GRIN2A: variants seen among roughly 807,000 people sequenced by gnomAD.
GRIN2A encodes glutamate ionotropic receptor NMDA type subunit 2A.
Under a neutral mutation model 113.4 loss-of-function variants are expected in GRIN2A, and 22 were observed. The ratio of observed to expected loss-of-function variants is 0.19; its 90% confidence interval spans 0.14 to 0.28. The LOEUF is 0.28. Among genes scored for constraint, GRIN2A ranks in the 10% least tolerant of loss-of-function variants. The probability of loss-of-function intolerance (pLI) is 1.00; values close to 1 mark genes in which losing one functional copy is unlikely to be tolerated. For synonymous variants in GRIN2A, 827 were observed against 738.4 expected, an observed-to-expected ratio of 1.12 and a Z score of -1.94; for missense variants, 1,502 against 1,887.0, an observed-to-expected ratio of 0.80 and a Z score of 3.78.
At chr16:9,783,093 A>G (rs1201419389) in intron 11 of GRIN2A, among the ~76,000 whole-genome samples, 1 of 152,210 alleles carries the variant, frequency 6.6e-6, no homozygotes, top group Non-Finnish European at 1.5e-5. Flanking sequence ...ATGGTTATTA[A>G]TGATCACCCC....
chr16:10,112,684 AG>A, intron 2 of GRIN2A: 1 of 754,000 alleles, frequency 1.3e-6, no homozygotes, highest in South Asian at 1.3e-5. Flanking sequence ...GAGGGGGAAA[AG>A]GTGAATATTG....
intron 2 of GRIN2A, among the ~76,000 whole-genome samples, chr16:10,023,173 G>C (rs569729386): frequency 1.3e-5 from 2 of 152,170 alleles, no homozygotes; most frequent in African/African-American, 4.8e-5. Context: ...ATCTTAGACC[G>C]AGTTGGCAAC....
At position 9,762,943 on chromosome 16, in the gene GRIN2A, C is replaced by T; in HGVS notation, c.*206G>A. ...AAGGACTCACCTATCTGGTGTCTGC[C>T]ATGCTCAGCACACACCTCACAAGAT... On this transcript the variant is annotated 3_prime_UTR_variant, in exon 13 of 13. Transcript: ENST00000330684. 1 of 614,416 alleles carries T rather than the reference C, an allele frequency of 1.6e-6. No individual in the cohort carries two copies. Among genetic ancestry groups the T allele is most frequent in the Non-Finnish European group, 2.9e-6 (1 of 348,712 alleles). 38.1% of individuals were successfully genotyped at this position (614,416 alleles called of 1,614,324 possible).
At chr16:9,867,784 A>C (rs2043185970) in intron 4 of GRIN2A, among the ~76,000 whole-genome samples, 1 of 151,802 alleles carries the variant, frequency 6.6e-6, no homozygotes, top group South Asian at 2.1e-4. Flanking sequence ...AACACATCTG[A>C]CTTGTCTTTC....
At chr16:10,083,829 T>A (rs1001725984) in intron 2 of GRIN2A, among the ~76,000 whole-genome samples, 6 of 152,204 alleles carry the variant, frequency 3.9e-5, no homozygotes, top group Non-Finnish European at 7.3e-5. Context: ...GGGCTGAGTG[T>A]GGTGGCTCAT....
chr16:10,106,076 A>G (rs895318284), intron 2 of GRIN2A, among the ~76,000 whole-genome samples: 13 of 152,168 alleles, frequency 8.5e-5, no homozygotes. Flanking sequence ...TGTGTATGGA[A>G]CTGTGTGTGA....
chr16:10,055,093 G>A (rs201552940), intron 2 of GRIN2A, among the ~76,000 whole-genome samples: 17,055 of 41,400 alleles, frequency 0.41, 2,554 homozygotes, highest in East Asian at 0.71. Flanking sequence ...AAAGAAAAAA[G>A]AAAGAAAGAA....
intron 2 of GRIN2A, among the ~76,000 whole-genome samples, chr16:9,981,486 A>G (rs1414203354): frequency 6.6e-6 from 1 of 152,202 alleles, no homozygotes; most frequent in African/African-American, 2.4e-5. Flanking sequence ...TCAATTCGTG[A>G]CTGATCTTGT....
At chr16:9,984,194 A>T (rs1254797135) in intron 2 of GRIN2A, among the ~76,000 whole-genome samples, 1 of 150,590 alleles carries the variant, frequency 6.6e-6, no homozygotes, top group East Asian at 1.9e-4. Context: ...TCTTTAAGAG[A>T]TGTTTATTTA....
chr16:9,781,245 A>C (rs1286844963), intron 11 of GRIN2A, among the ~76,000 whole-genome samples: 1 of 152,248 alleles, frequency 6.6e-6, no homozygotes, highest in Non-Finnish European at 1.5e-5. Flanking sequence ...TATTTATATA[A>C]AAGAGATAGC....
chr16:9,859,272 A>G (rs1267405443), intron 4 of GRIN2A, among the ~76,000 whole-genome samples: 2 of 152,060 alleles, frequency 1.3e-5, no homozygotes, highest in East Asian at 3.9e-4. Context: ...TTCATAATAG[A>G]GATAAAAAGT....
intron 8 of GRIN2A, 21 bp downstream of exon 8, chr16:9,834,084 T>C: frequency 6.2e-7 from 1 of 1,611,176 alleles, no homozygotes. Context: ...CATTGAATCA[T>C]GCTCATGAAG....
At chr16:10,093,618 G>GGA (rs2048227960) in intron 2 of GRIN2A, among the ~76,000 whole-genome samples, 1 of 145,428 alleles carries the variant, frequency 6.9e-6, no homozygotes, top group South Asian at 2.2e-4. Context: ...GCAACAAAGT[G>GGA]AAAAAAAAAA....
At chr16:9,844,396 T>C (rs1273307721) in intron 5 of GRIN2A, among the ~76,000 whole-genome samples, 1 of 152,204 alleles carries the variant, frequency 6.6e-6, no homozygotes, top group Non-Finnish European at 1.5e-5. Context: ...TAGTTGAATT[T>C]ATCACAGTAA....
intron 2 of GRIN2A, among the ~76,000 whole-genome samples, chr16:10,135,886 C>A (rs2049181379): frequency 6.6e-6 from 1 of 152,104 alleles, no homozygotes; most frequent in Non-Finnish European, 1.5e-5. Context: ...CTTCACAACC[C>A]ACCTACATTA....
intron 4 of GRIN2A, among the ~76,000 whole-genome samples, chr16:9,883,434 C>T (rs559138604): frequency 2.0e-5 from 3 of 152,272 alleles, no homozygotes; most frequent in African/African-American, 4.8e-5. Flanking sequence ...AACACTCTTA[C>T]GAATTAGTAT....
In GRIN2A at chr16:9,840,651, A is replaced by G; in HGVS notation, c.1647T>C (p.Phe549=). Reference sequence around the variant, plus strand: ...GTCACTATGAAATTCACACACCTAGAAAAGCAGAAGGTGAGACGGTGCCAT... The same window carrying G: ...GTCACTATGAAATTCACACACCTAGGAAAGCAGAAGGTGAGACGGTGCCAT... ...RSNGTVSPSA[F]LEPFSASVWV... The change falls in exon 7 of 13, where the codon TTT becomes TTC. Residue 549 remains phenylalanine, a synonymous_variant. Coordinates refer to ENST00000330684, the MANE Select transcript of GRIN2A (RefSeq NM_001134407.3). 1 of 1,613,532 alleles carries G rather than the reference A, an allele frequency of 6.2e-7. No individual in the cohort carries two copies. The highest frequency in any genetic ancestry group is 8.5e-7 in the Non-Finnish European group (1 of 1,179,550).
chr16:10,066,103 T>C lies in GRIN2A; in HGVS notation c.414+113895A>G, dbSNP rs1038210318. 3.3e-5 allele frequency among the ~76,000 whole-genome samples: 5 copies of C among 152,326 alleles called. 1 individual carries two copies. The South Asian group carries it at 1.0e-3, about 32-fold the overall frequency. Reference sequence around the variant, plus strand: ...GCACATCTTAGGAACTGACTAGAAATATTCTTCAGACTTTAGAAAGCAGAC... The same window carrying C: ...GCACATCTTAGGAACTGACTAGAAACATTCTTCAGACTTTAGAAAGCAGAC... On this transcript the variant is annotated intron_variant, in intron 2 of 12. Coordinates refer to ENST00000330684, the MANE Select transcript of GRIN2A (RefSeq NM_001134407.3).
chr16:10,144,102 G>A (rs1164504024), intron 2 of GRIN2A, among the ~76,000 whole-genome samples: 3 of 152,194 alleles, frequency 2.0e-5, no homozygotes, highest in African/African-American at 7.2e-5. Flanking sequence ...TATGTACCCA[G>A]AAGTGGGATT....
Sources: gnomAD v4.1 joint callset for allele counts (sites outside exome capture counted in the v4.1 genomes callset) on GRCh38, gnomAD v4.1.1 for gene constraint, MANE v1.5 for transcripts, NCBI Gene and HGNC (gene_info 2026-07-23, HGNC 2026-07-21) for gene names.